Variants in DLC1 observed in about 807,000 individuals in gnomAD.
DLC1 encodes the protein rho GTPase-activating protein 7.
In DLC1, 54 loss-of-function variants were observed where a neutral mutation model predicts 140.3. The observed-to-expected ratio is 0.38, with a 90% CI of 0.31 to 0.48. The LOEUF (loss-of-function observed/expected upper bound fraction) is 0.48. DLC1 is among the 20% of genes least tolerant of loss of function. The pLI is 0.96. For synonymous variants in DLC1, 986 were observed against 728.1 expected, an observed-to-expected ratio of 1.35 and a Z score of -5.70; for missense variants, 2,536 against 1,907.0, an observed-to-expected ratio of 1.33 and a Z score of -6.14.
chr8:13,497,664 T>G (rs1801574947), intron 2 of DLC1, among the ~76,000 whole-genome samples: 1 of 152,222 alleles, frequency 6.6e-6, no homozygotes, highest in African/African-American at 2.4e-5. Flanking sequence ...TTTGTTTTAT[T>G]TTAGGGGAGC....
chr8:13,593,811 C>A (rs548430036), intron 1 of DLC1, among the ~76,000 whole-genome samples: 2 of 152,192 alleles, frequency 1.3e-5, no homozygotes, highest in African/African-American at 4.8e-5. Flanking sequence ...CAATTTCGCA[C>A]ATCCTTGAGG....
intron 7 of DLC1, among the ~76,000 whole-genome samples, chr8:13,104,806 C>T (rs1003825652): frequency 1.3e-5 from 2 of 152,120 alleles, no homozygotes; most frequent in African/African-American, 4.8e-5. Flanking sequence ...CCCAGAGCGC[C>T]TAGGTTCAGA....
At chr8:13,382,369 A>T (rs1014774270) in intron 4 of DLC1, among the ~76,000 whole-genome samples, 2 of 150,720 alleles carry the variant, frequency 1.3e-5, no homozygotes, top group South Asian at 2.1e-4. Flanking sequence ...TAGCCGGGCG[A>T]GGTGGCGGGC....
chr8:13,536,981 T>A (rs538386327), intron 1 of DLC1, among the ~76,000 whole-genome samples: 25 of 152,278 alleles, frequency 1.6e-4, no homozygotes, highest in Non-Finnish European at 2.9e-4. Flanking sequence ...AATCTGCAAA[T>A]CATTAACATA....
intron 5 of DLC1, among the ~76,000 whole-genome samples, chr8:13,194,626 G>C (rs969949470): frequency 6.6e-6 from 1 of 152,142 alleles, no homozygotes; most frequent in African/African-American, 2.4e-5. Context: ...CTCCATTCTG[G>C]GGATTAAAAA....
At chr8:13,242,984 G>C (rs1016845421) in intron 5 of DLC1, among the ~76,000 whole-genome samples, 2 of 150,940 alleles carry the variant, frequency 1.3e-5, no homozygotes, top group African/African-American at 4.8e-5. Flanking sequence ...TTTCCCCCTT[G>C]TTGTTCTCGT....
At chr8:13,523,860 T>C (rs1420900779) in intron 1 of DLC1, among the ~76,000 whole-genome samples, 1 of 151,848 alleles carries the variant, frequency 6.6e-6, no homozygotes, top group Non-Finnish European at 1.5e-5. Context: ...TCTGTTCTTT[T>C]TTTTTTAAAT....
intron 5 of DLC1, among the ~76,000 whole-genome samples, chr8:13,272,989 A>T (rs1831004536): frequency 6.6e-6 from 1 of 152,228 alleles, no homozygotes; most frequent in South Asian, 2.1e-4. Context: ...GTACATCATA[A>T]TTTTATGTTT....
chr8:13,553,626 T>G (rs1803940307), intron 1 of DLC1, among the ~76,000 whole-genome samples: 2 of 152,010 alleles, frequency 1.3e-5, no homozygotes, highest in Admixed American at 1.3e-4. Context: ...GTGCTTGGAT[T>G]GCAGGCATGA....
intron 2 of DLC1, among the ~76,000 whole-genome samples, chr8:13,424,646 C>T (rs1838474109): frequency 6.6e-6 from 1 of 151,934 alleles, no homozygotes; most frequent in South Asian, 2.1e-4. Flanking sequence ...GATCTTGGCT[C>T]ACTGCAAGCT....
At chr8:13,353,334 G>A (rs1586190700) in intron 4 of DLC1, 1 of 152,202 alleles carries the variant, frequency 6.6e-6, no homozygotes, top group East Asian at 1.9e-4. Flanking sequence ...GAGAAAATGT[G>A]TTTGAATTCC....
At chr8:13,419,090 C>T (rs1446982810) in intron 2 of DLC1, among the ~76,000 whole-genome samples, 1 of 152,088 alleles carries the variant, frequency 6.6e-6, no homozygotes, top group Non-Finnish European at 1.5e-5. Context: ...GCTGAAGTTG[C>T]TTATCAGCTT....
At position 13,119,542 on chromosome 8, in the gene DLC1, G is replaced by A. The variant is rs576900058; in HGVS notation, c.1349-3885C>T. ...AATACGCATAAGGCCCTGTCTAAGCGCTAGTGCATATTAGTTCATTTACAC... is the reference window on the plus strand; with the variant it reads ...AATACGCATAAGGCCCTGTCTAAGCACTAGTGCATATTAGTTCATTTACAC... On this transcript the variant is annotated intron_variant, in intron 5 of 17. Coordinates refer to ENST00000276297, the MANE Select transcript of DLC1 (RefSeq NM_182643.3). Among the ~76,000 whole-genome samples the A allele has an allele frequency of 9.2e-5, 14 of 152,236 alleles. No homozygotes were observed. In the South Asian group the frequency reaches 1.7e-3, roughly 18 times the overall value.
chr8:13,471,343 G>A (rs936389518), intron 2 of DLC1, among the ~76,000 whole-genome samples: 5 of 151,868 alleles, frequency 3.3e-5, no homozygotes, highest in Admixed American at 6.6e-5. Context: ...AACTATATAA[G>A]GTGATGGATA....
intron 5 of DLC1, among the ~76,000 whole-genome samples, chr8:13,165,570 G>T (rs1338161976): frequency 6.6e-6 from 1 of 152,168 alleles, no homozygotes; most frequent in Non-Finnish European, 1.5e-5. Context: ...CAGACACTTG[G>T]CCAGGATTTC....
intron 1 of DLC1, among the ~76,000 whole-genome samples, chr8:13,573,765 C>G (rs568688716): frequency 1.5e-4 from 23 of 152,278 alleles, no homozygotes; most frequent in African/African-American, 5.3e-4. Context: ...CCTTTGCACT[C>G]ATGATCTTTA....
chr8:13,451,694 C>T (rs1246094515), intron 2 of DLC1, among the ~76,000 whole-genome samples: 1 of 152,130 alleles, frequency 6.6e-6, no homozygotes, highest in Non-Finnish European at 1.5e-5. Flanking sequence ...ATGACAGGAT[C>T]ACATTCTTTT....
At chr8:13,165,509 G>C (rs138242725) in intron 5 of DLC1, among the ~76,000 whole-genome samples, 1 of 152,200 alleles carries the variant, frequency 6.6e-6, no homozygotes, top group Non-Finnish European at 1.5e-5. Flanking sequence ...CTCATGGTCC[G>C]TACTTTCACG....
At chr8:13,510,426 C>A (rs188828100) in intron 1 of DLC1, among the ~76,000 whole-genome samples, 1 of 152,102 alleles carries the variant, frequency 6.6e-6, no homozygotes, top group Non-Finnish European at 1.5e-5. Context: ...ATCTGACTGC[C>A]TTGGCCTCCC....
Sources: allele counts gnomAD v4.1 joint callset (sites outside exome capture counted in the v4.1 genomes callset), GRCh38; gene constraint gnomAD v4.1.1; transcripts MANE v1.5; gene names NCBI Gene and HGNC (gene_info 2026-07-23, HGNC 2026-07-21).